Variants in ELOB observed in about 807,000 individuals in gnomAD.
ELOB encodes elongin B, also known as elongin-B.
ELOB carries 3 observed loss-of-function variants against 12.9 expected under a neutral mutation model. The observed-to-expected ratio is 0.23, with a 90% CI of 0.11 to 0.60. ELOB has a LOEUF of 0.60. Among genes scored for constraint, ELOB ranks in the 20% least tolerant of loss-of-function variants. The probability of loss-of-function intolerance (pLI) is 0.89; values close to 1 mark genes in which losing one functional copy is unlikely to be tolerated. For missense variants in ELOB, 126 were observed against 159.2 expected, an observed-to-expected ratio of 0.79 and a Z score of 1.12; for synonymous variants, 84 against 67.4, an observed-to-expected ratio of 1.25 and a Z score of -1.21.
intron 3 of ELOB, chr16:2,772,423 A>C (rs1257042170): frequency 5.2e-6 from 1 of 193,446 alleles, no homozygotes; most frequent in Non-Finnish European, 1.1e-5. Context: ...TTCACCCAGA[A>C]TATATCTCCT....
chr16:2,777,200 G>A (rs1355190444), intron 1 of ELOB, 37 bp downstream of exon 1: 3 of 380,430 alleles, frequency 7.9e-6, no homozygotes, highest in East Asian at 1.9e-4. Context: ...CGCCGCCCCC[G>A]GCCCGGCCCG....
intron 3 of ELOB, among the ~76,000 whole-genome samples, chr16:2,775,122 C>A (rs2068791172): frequency 6.6e-6 from 1 of 151,584 alleles, no homozygotes; most frequent in Non-Finnish European, 1.5e-5. Context: ...CTTCCCAGGG[C>A]TACTGAGAGG....
chr16:2,776,598 G>C (rs1273196526), intron 2 of ELOB, among the ~76,000 whole-genome samples: 1 of 152,226 alleles, frequency 6.6e-6, no homozygotes. Context: ...TGTCCGGGGG[G>C]ACAGCGTGAT....
At chr16:2,773,351 T>C (rs1478893490) in intron 3 of ELOB, among the ~76,000 whole-genome samples, 9 of 152,142 alleles carry the variant, frequency 5.9e-5, no homozygotes, top group Non-Finnish European at 1.3e-4. Context: ...TCCAGCCCAA[T>C]GTGCCCACTG....
intron 3 of ELOB, among the ~76,000 whole-genome samples, chr16:2,774,159 G>C (rs547499605): frequency 6.6e-6 from 1 of 152,230 alleles, no homozygotes; most frequent in Non-Finnish European, 1.5e-5. Context: ...GAACCCGGGA[G>C]GCAGCGGCTG....
chr16:2,775,372 C>G, intron 3 of ELOB, 79 bp downstream of exon 3: 1 of 1,027,044 alleles, frequency 9.7e-7, no homozygotes, highest in Non-Finnish European at 1.4e-6. Flanking sequence ...CAACTCCAGG[C>G]TCCCTGATGA....
intron 3 of ELOB, among the ~76,000 whole-genome samples, chr16:2,774,565 C>T (rs2068788302): frequency 6.6e-6 from 1 of 152,230 alleles, no homozygotes; most frequent in South Asian, 2.1e-4. Context: ...AGCTAGGACT[C>T]TACTCTTCCT....
chr16:2,775,653 G>C (rs2068795343), intron 2 of ELOB, 97 bp from the exon 3 acceptor site: 14 of 905,070 alleles, frequency 1.5e-5, no homozygotes, highest in Non-Finnish European at 2.4e-5. Context: ...GGAGGGAAGA[G>C]AGAGTTCCCT....
At chr16:2,772,233 T>C in intron 3 of ELOB, 131 bp from the exon 4 acceptor site, 1 of 1,106,686 alleles carries the variant, frequency 9.0e-7, no homozygotes, top group South Asian at 1.8e-5. Flanking sequence ...GGCTGTAGTC[T>C]CCACAGCGCT....
intron 3 of ELOB, 103 bp downstream of exon 3, chr16:2,775,348 T>C (rs1308510265): frequency 1.2e-5 from 8 of 662,284 alleles, no homozygotes; most frequent in Non-Finnish European, 1.9e-5. Flanking sequence ...AGGAAGACAC[T>C]GCCCTGAAGG....
chr16:2,772,183 C>G (rs1182242629), intron 3 of ELOB, 81 bp from the exon 4 acceptor site: 2 of 1,445,582 alleles, frequency 1.4e-6, no homozygotes, highest in South Asian at 1.4e-5. Context: ...GTGTGATCAT[C>G]TGCAGCTTTG....
At chr16:2,773,863 G>C (rs759364649) in intron 3 of ELOB, among the ~76,000 whole-genome samples, 4 of 152,190 alleles carry the variant, frequency 2.6e-5, no homozygotes, top group Admixed American at 6.5e-5. Flanking sequence ...GGACACTTCT[G>C]GGGGAACACA....
At chr16:2,775,336 C>T (rs894777325) in intron 3 of ELOB, 115 bp downstream of exon 3, 46 of 593,760 alleles carry the variant, frequency 7.7e-5, no homozygotes, top group Non-Finnish European at 6.1e-5. Flanking sequence ...CCTTTAGGCA[C>T]GAGGAAGACA....
At chr16:2,775,402 C>A (rs1304974944) in intron 3 of ELOB, 49 bp downstream of exon 3, 7 of 1,419,962 alleles carry the variant, frequency 4.9e-6, no homozygotes, top group Non-Finnish European at 5.7e-6. Context: ...GAACAGTGTT[C>A]CCAACCTGCT....
rs772133791 is a variant in ELOB, at chr16:2,771,625, TAGAAGG to T, written c.*359_*364del. ...GCAGGCTATGGGGGTGGGGGGCACTTAGAAGGAGAAAGGCCTAAAACTGGAATCTCT... is the reference window on the plus strand; with the variant it reads ...GCAGGCTATGGGGGTGGGGGGCACTTAGAAAGGCCTAAAACTGGAATCTCT... On this transcript the variant is annotated 3_prime_UTR_variant, in exon 4 of 4. Coordinates refer to ENST00000409906, the MANE Select transcript of ELOB (RefSeq NM_007108.4). The T allele has an allele frequency of 4.3e-6, 7 of 1,612,900 alleles. No individual in the cohort carries two copies. Among genetic ancestry groups the T allele is most frequent in the South Asian group, 1.1e-5 (1 of 91,074 alleles).
At chr16:2,774,165 G>A (rs1055846811) in intron 3 of ELOB, among the ~76,000 whole-genome samples, 3 of 152,194 alleles carry the variant, frequency 2.0e-5, no homozygotes, top group Admixed American at 6.5e-5. Flanking sequence ...GGGAGGCAGC[G>A]GCTGCAGTGG....
At chr16:2,775,752 T>C (rs2068796094) in intron 2 of ELOB, 196 bp from the exon 3 acceptor site, 4 of 470,026 alleles carry the variant, frequency 8.5e-6, no homozygotes, top group African/African-American at 2.0e-5. Flanking sequence ...CCTCCCAGGG[T>C]GGGACTTTAG....
At chr16:2,776,585 G>A (rs1398510624) in intron 2 of ELOB, among the ~76,000 whole-genome samples, 1 of 152,250 alleles carries the variant, frequency 6.6e-6, no homozygotes, top group African/African-American at 2.4e-5. Flanking sequence ...CCACCCGAAG[G>A]AGTGTCCGGG....
intron 3 of ELOB, among the ~76,000 whole-genome samples, chr16:2,772,704 C>CA (rs545817204): frequency 9.4e-4 from 134 of 141,870 alleles, no homozygotes; most frequent in Non-Finnish European, 9.5e-4. Context: ...GACTCCATCT[C>CA]AAAAAAAAAA....
Sources: allele counts gnomAD v4.1 joint callset (sites outside exome capture counted in the v4.1 genomes callset), GRCh38; gene constraint gnomAD v4.1.1; transcripts MANE v1.5; gene names NCBI Gene and HGNC (gene_info 2026-07-23, HGNC 2026-07-21).